The following NMNAT1 variants were observed in gnomAD, a reference collection of about 807,000 sequenced individuals.
The protein encoded by NMNAT1 is nicotinamide nucleotide adenylyltransferase 1, also known as nicotinamide/nicotinic acid mononucleotide adenylyltransferase 1.
NMNAT1 carries 11 observed loss-of-function variants against 16.7 expected under a neutral mutation model. That is an observed-to-expected ratio of 0.66 (90% confidence interval 0.41 to 1.09). The LOEUF (loss-of-function observed/expected upper bound fraction) is 1.09, where lower values mean the gene tolerates loss of function less well. NMNAT1 is among the 50% of genes least tolerant of loss of function. The pLI, the probability that NMNAT1 is intolerant of heterozygous loss-of-function variation, is 0.00. For missense variants in NMNAT1, 280 were observed against 332.3 expected (o/e 0.84, Z 1.22); for synonymous variants, 110 against 119.8 (o/e 0.92, Z 0.53).
chr1:9,967,134 G>T (rs1368988124), intron 1 of NMNAT1, among the ~76,000 whole-genome samples: 1 of 152,032 alleles, frequency 6.6e-6, no homozygotes, highest in Non-Finnish European at 1.5e-5. Flanking sequence ...TGAGGCAGGA[G>T]AATTGCTTAA....
At chr1:9,974,779 C>A (rs1034194434) in intron 2 of NMNAT1, among the ~76,000 whole-genome samples, 2 of 152,070 alleles carry the variant, frequency 1.3e-5, no homozygotes, top group African/African-American at 4.8e-5. Flanking sequence ...CTGCCTTGGT[C>A]TCCCAAAACA....
intron 3 of NMNAT1, among the ~76,000 whole-genome samples, chr1:9,976,993 GCCT>G (rs1422710506): frequency 2.0e-5 from 3 of 150,906 alleles, no homozygotes; most frequent in Admixed American, 6.6e-5. Flanking sequence ...TGCAACCTCT[GCCT>G]CCCGGGTTCA....
chr1:9,995,074 G>C, the NMNAT1 span, among the ~76,000 whole-genome samples: 1 of 151,650 alleles, frequency 6.6e-6, no homozygotes, highest in Admixed American at 6.6e-5. Context: ...ATTTGAGTCT[G>C]GAACTCATGG....
intron 4 of NMNAT1, chr1:9,981,425 C>T (rs548230361): frequency 3.3e-4 from 118 of 358,854 alleles, no homozygotes; most frequent in South Asian, 2.7e-3. Flanking sequence ...TTAGTAGAGA[C>T]GGGGTTGCAC....
At chr1:9,963,101 C>G (rs1245823613) in intron 1 of NMNAT1, among the ~76,000 whole-genome samples, 1 of 151,360 alleles carries the variant, frequency 6.6e-6, no homozygotes, top group Non-Finnish European at 1.5e-5. Flanking sequence ...TTTCTCAACT[C>G]CTTAGCTATG....
intron 3 of NMNAT1, among the ~76,000 whole-genome samples, chr1:9,979,933 AT>A (rs35657877): frequency 0.2 from 30,366 of 150,100 alleles, 3,819 homozygotes; most frequent in Non-Finnish European, 0.29. Flanking sequence ...TGTTGAGAAG[AT>A]TTTTTTTTTC....
chr1:9,960,859 C>G (rs1394998218), intron 1 of NMNAT1: 2 of 152,402 alleles, frequency 1.3e-5, no homozygotes, highest in Non-Finnish European at 2.9e-5. Flanking sequence ...AGTTTCCAAA[C>G]TGCTGCACCC....
chr1:9,986,135 A>G (rs1642042588), downstream of NMNAT1, among the ~76,000 whole-genome samples: 1 of 152,178 alleles, frequency 6.6e-6, no homozygotes, highest in African/African-American at 2.4e-5. Flanking sequence ...CGTGGACAGT[A>G]TTTCCCAAAT....
intron 3 of NMNAT1, among the ~76,000 whole-genome samples, chr1:9,976,143 C>T (rs771061987): frequency 4.6e-5 from 7 of 151,928 alleles, no homozygotes; most frequent in Non-Finnish European, 5.9e-5. Flanking sequence ...AAAAATTAGC[C>T]GGGCATGGTG....
chr1:9,970,490 G>C (rs1358182105), intron 1 of NMNAT1, among the ~76,000 whole-genome samples: 1 of 151,962 alleles, frequency 6.6e-6, no homozygotes, highest in Non-Finnish European at 1.5e-5. Context: ...GTCAGGAGAT[G>C]AAGACCATCT....
downstream of NMNAT1, among the ~76,000 whole-genome samples, chr1:9,988,613 G>A (rs1642074435): frequency 7.1e-6 from 1 of 140,916 alleles, no homozygotes; most frequent in African/African-American, 2.7e-5. Flanking sequence ...TGAGGCAGGA[G>A]AATTGCTTGA....
intron 4 of NMNAT1, 66 bp downstream of exon 4, chr1:9,981,236 G>T: frequency 6.4e-7 from 1 of 1,552,074 alleles, no homozygotes; most frequent in Non-Finnish European, 8.7e-7. Context: ...GCAAACCCCT[G>T]TGTATTTTTT....
chr1:9,981,419 T>A (rs1444402633), intron 4 of NMNAT1: 2 of 393,100 alleles, frequency 5.1e-6, no homozygotes, highest in Non-Finnish European at 9.1e-6. Flanking sequence ...GTATTTTTAG[T>A]AGAGACGGGG....
At chr1:9,977,114 C>T (rs1338017509) in intron 3 of NMNAT1, among the ~76,000 whole-genome samples, 1 of 152,168 alleles carries the variant, frequency 6.6e-6, no homozygotes, top group East Asian at 1.9e-4. Context: ...ACCCTGTTGG[C>T]CAGGCTGGTC....
At chr1:9,978,264 G>A (rs1166689136) in intron 3 of NMNAT1, among the ~76,000 whole-genome samples, 1 of 152,156 alleles carries the variant, frequency 6.6e-6, no homozygotes, top group Non-Finnish European at 1.5e-5. Context: ...GCTGAGGTGG[G>A]AGAATCCCTT....
intron 1 of NMNAT1, among the ~76,000 whole-genome samples, chr1:9,965,692 C>T (rs769842159): frequency 1.3e-5 from 2 of 151,996 alleles, no homozygotes; most frequent in African/African-American, 2.4e-5. Context: ...TGTGAGCAAC[C>T]GCACCTGGCC....
At chr1:9,979,371 C>T (rs543610239) in intron 3 of NMNAT1, among the ~76,000 whole-genome samples, 15 of 152,120 alleles carry the variant, frequency 9.9e-5, no homozygotes, top group African/African-American at 2.2e-4. Flanking sequence ...GAGGCTGAGG[C>T]GGTAGGATCA....
At chr1:9,982,154 C>A in intron 4 of NMNAT1, 147 bp from the exon 5 acceptor site, 1 of 1,052,500 alleles carries the variant, frequency 9.5e-7, no homozygotes, top group Non-Finnish European at 1.4e-6. Flanking sequence ...AGAGCCACCG[C>A]ACTCGGCCTA....
At chr1:9,992,815 G>A in the NMNAT1 span, among the ~76,000 whole-genome samples, 3 of 152,150 alleles carry the variant, frequency 2.0e-5, no homozygotes, top group Non-Finnish European at 2.9e-5. Context: ...AGGAGGCTGA[G>A]GCAGGAGAAT....
Sources: gnomAD v4.1 joint callset for allele counts (sites outside exome capture counted in the v4.1 genomes callset) on GRCh38, gnomAD v4.1.1 for gene constraint, MANE v1.5 for transcripts, NCBI Gene and HGNC (gene_info 2026-07-23, HGNC 2026-07-21) for gene names.